The following PPP2R5C variants were observed in gnomAD, a reference collection of about 807,000 sequenced individuals.
PPP2R5C encodes the protein protein phosphatase 2 regulatory subunit B'gamma, also known as serine/threonine-protein phosphatase 2A 56 kDa regulatory subunit gamma isoform.
Under a neutral mutation model 68.9 loss-of-function variants are expected in PPP2R5C, and 7 were observed. The ratio of observed to expected loss-of-function variants is 0.10; its 90% confidence interval spans 0.06 to 0.19. The LOEUF (loss-of-function observed/expected upper bound fraction) is 0.19. Among genes scored for constraint, PPP2R5C ranks in the 10% least tolerant of loss-of-function variants. The pLI is 1.00. For synonymous variants in PPP2R5C, 210 were observed against 222.2 expected, an observed-to-expected ratio of 0.95 and a Z score of 0.49; for missense variants, 348 against 641.3, an observed-to-expected ratio of 0.54 and a Z score of 4.94.
intron 1 of PPP2R5C, among the ~76,000 whole-genome samples, chr14:101,852,988 G>A (rs2042245522): frequency 6.6e-6 from 1 of 152,082 alleles, no homozygotes; most frequent in African/African-American, 2.4e-5. Flanking sequence ...ACAAGTATGA[G>A]GCATTTGTAA....
In PPP2R5C at chr14:101,899,365, G is replaced by A. The variant is rs895291340; in HGVS notation, c.853-2354G>A. Among the ~76,000 whole-genome samples the A allele has an allele frequency of 1.1e-4, 16 of 152,192 alleles. No individual in the cohort carries two copies. The highest frequency in any genetic ancestry group is 3.4e-4 in the African/African-American group (14 of 41,454). On this transcript the variant is annotated intron_variant, in intron 8 of 13. Transcript: ENST00000334743. The surrounding 1 kb of genome is among the most constrained non-coding windows in gnomAD (Gnocchi z 4.2). The stretch of plus-strand genomic sequence containing the variant: ...GGCTCGCCTGCCCTCTGCAGGGAGC[G>A]GGCAGTCCTTGGGCTTCCAAAGGAA...
rs1187901706 is a variant in PPP2R5C, at chr14:101,882,137, A to G, written c.295-24A>G. 1 of 1,525,810 alleles carries G rather than the reference A, an allele frequency of 6.6e-7. No individual in the cohort carries two copies. Among genetic ancestry groups the G allele is most frequent in the South Asian group, 1.2e-5 (1 of 83,838 alleles). 94.5% of individuals were successfully genotyped at this position (1,525,810 alleles called of 1,614,324 possible). A position where few individuals can be genotyped will look rare whatever the true frequency, so the allele number is the denominator to read the frequency against. On this transcript the variant is annotated intron_variant, in intron 2 of 13. Transcript: ENST00000334743. This position sits in a 1 kb window ranked among gnomAD's most constrained non-coding sequence, Gnocchi z 4.9. ...TAAATATTTTAAATGCCCTGATTGT[A>G]ATTATAGAATATGTGGATTTTAGTT... is the stretch of plus-strand genomic sequence containing the variant.
intron 2 of PPP2R5C, among the ~76,000 whole-genome samples, chr14:101,771,691 C>G (rs1418711545): frequency 6.6e-6 from 1 of 152,100 alleles, no homozygotes. Flanking sequence ...GATCACACCA[C>G]TGCACTCCAG....
intron 6 of PPP2R5C, among the ~76,000 whole-genome samples, chr14:101,892,708 A>C (rs1163003002): frequency 6.6e-6 from 1 of 152,092 alleles, no homozygotes; most frequent in Admixed American, 6.5e-5. Context: ...GCACTATATG[A>C]AGTGTTCCAC....
intron 2 of PPP2R5C, among the ~76,000 whole-genome samples, chr14:101,778,751 G>A (rs61993990): frequency 0.18 from 27,702 of 152,094 alleles, 3,388 homozygotes; most frequent in African/African-American, 0.34. Context: ...CCTTGAGCCA[G>A]ATGCACTTTT....
intron 3 of PPP2R5C, among the ~76,000 whole-genome samples, chr14:101,786,960 A>T (rs2038119603): frequency 6.6e-6 from 1 of 152,260 alleles, no homozygotes; most frequent in East Asian, 1.9e-4. Context: ...TCCACTGAAT[A>T]TTAATTCAGC....
At chr14:101,867,551 G>A (rs1045279533) in intron 2 of PPP2R5C, among the ~76,000 whole-genome samples, 1 of 152,236 alleles carries the variant, frequency 6.6e-6, no homozygotes, top group African/African-American at 2.4e-5. Flanking sequence ...GCCGAGGCAG[G>A]TGGATCACCT....
At position 101,765,418 on chromosome 14, in the gene PPP2R5C, C is replaced by A. The variant is rs2036799260; in HGVS notation, c.93+2448C>A. 7 of 603,524 alleles carry A rather than the reference C, an allele frequency of 1.2e-5. No homozygotes were observed. The South Asian group carries it at 1.2e-4, about 10-fold the overall frequency. The allele number at this position is 603,524 out of a possible 1,614,324, so 37.4% of individuals were successfully genotyped here. The stretch of plus-strand genomic sequence containing the variant: ...GCTCACTGCTTCACTTCTAGTTCCA[C>A]CCACTTACCAAATATGATTGACTCA... On this transcript the variant is annotated intron_variant, in intron 2 of 14. Coordinates refer to the PPP2R5C transcript ENST00000328724.
Position 101,879,475 on chromosome 14 carries a change from C to T in PPP2R5C, c.295-2686C>T, listed in dbSNP as rs893859894. 6.6e-6 allele frequency: 1 copy of T among 152,652 alleles called. No homozygotes were observed. The highest frequency in any genetic ancestry group is 1.5e-5 in the Non-Finnish European group (1 of 68,398). 9.5% of individuals were successfully genotyped at this position (152,652 alleles called of 1,614,324 possible). A position where few individuals can be genotyped will look rare whatever the true frequency, so the allele number is the denominator to read the frequency against. ...GCCCCAGAAACCTCGGAAGCAGTGA[C>T]CGTGCTTTCCTTCCAGGCGCCATGG... On this transcript the variant is annotated intron_variant, in intron 2 of 13. Coordinates refer to ENST00000334743, the Ensembl canonical transcript of PPP2R5C. The surrounding 1 kb of genome is among the most constrained non-coding windows in gnomAD (Gnocchi z 4.2).
At chr14:101,811,005 C>CT (rs975165880) in intron 1 of PPP2R5C, among the ~76,000 whole-genome samples, 13 of 152,166 alleles carry the variant, frequency 8.5e-5, no homozygotes, top group African/African-American at 3.1e-4. Context: ...CTCAGAATCT[C>CT]TTTTAAGGAA....
chr14:101,779,783 A>G (rs774206477), intron 2 of PPP2R5C, among the ~76,000 whole-genome samples: 1 of 152,174 alleles, frequency 6.6e-6, no homozygotes, highest in Non-Finnish European at 1.5e-5. Context: ...CAATAACAGT[A>G]TGAAAATATG....
At chr14:101,864,522 C>T (rs1185591629) in intron 2 of PPP2R5C, among the ~76,000 whole-genome samples, 3 of 152,126 alleles carry the variant, frequency 2.0e-5, no homozygotes, top group Non-Finnish European at 2.9e-5. Flanking sequence ...CCAAGGACTG[C>T]GGTGGCGGTC....
intron 1 of PPP2R5C, among the ~76,000 whole-genome samples, chr14:101,816,895 T>A (rs956076980): frequency 1.6e-5 from 2 of 126,142 alleles, no homozygotes; most frequent in East Asian, 2.1e-4. Flanking sequence ...ATATATATTA[T>A]ATAAATATAT....
chr14:101,898,087 G>T (rs962199220), intron 8 of PPP2R5C, among the ~76,000 whole-genome samples: 1 of 152,128 alleles, frequency 6.6e-6, no homozygotes, highest in Non-Finnish European at 1.5e-5. Flanking sequence ...TTGAGCCCAG[G>T]GGGTCAAGGC....
intron 9 of PPP2R5C, among the ~76,000 whole-genome samples, chr14:101,905,288 AG>A (rs1182891988): frequency 6.6e-6 from 1 of 152,130 alleles, no homozygotes; most frequent in Non-Finnish European, 1.5e-5. Flanking sequence ...CAGGAGGCAG[AG>A]GTTGTAGTGA....
Position 101,883,236 on chromosome 14 carries a change from CATT to C in PPP2R5C, c.406-20_406-18del. ...CAATAAAATCTCATGTTATTTGACTCATTGTTTTTTTTCCTCCTAGCTTGTTTA... is the reference window on the plus strand; with the variant it reads ...CAATAAAATCTCATGTTATTTGACTCGTTTTTTTTCCTCCTAGCTTGTTTA... On this transcript the variant is annotated intron_variant, in intron 3 of 13. Transcript: ENST00000334743. 1 of 1,449,536 alleles carries C rather than the reference CATT, an allele frequency of 6.9e-7. No homozygotes were observed. Among genetic ancestry groups the C allele is most frequent in the Non-Finnish European group, 9.5e-7 (1 of 1,056,294 alleles). 89.8% of individuals were successfully genotyped at this position (1,449,536 alleles called of 1,614,324 possible).
At chr14:101,833,359 C>T (rs1386699410) in intron 1 of PPP2R5C, 2 of 152,236 alleles carry the variant, frequency 1.3e-5, no homozygotes, top group Admixed American at 6.5e-5. Flanking sequence ...ATGTCTTGGC[C>T]AGCTCTGATT....
intron 1 of PPP2R5C, among the ~76,000 whole-genome samples, chr14:101,842,731 A>G (rs2041560346): frequency 6.7e-6 from 1 of 148,850 alleles, no homozygotes; most frequent in Non-Finnish European, 1.5e-5. Flanking sequence ...TCGGGAGGGC[A>G]TGGATGGGAG....
chr14:101,845,674 A>G (rs2041782635), intron 1 of PPP2R5C, among the ~76,000 whole-genome samples: 1 of 152,158 alleles, frequency 6.6e-6, no homozygotes, highest in African/African-American at 2.4e-5. Flanking sequence ...CTTTCTTCAT[A>G]TGCAAATAAA....
Sources: allele counts gnomAD v4.1 joint callset (sites outside exome capture counted in the v4.1 genomes callset), GRCh38; gene constraint gnomAD v4.1.1; non-coding constraint Gnocchi (gnomAD v3.1); transcripts MANE v1.5; gene names NCBI Gene and HGNC (gene_info 2026-07-23, HGNC 2026-07-21).